Variants in FAM234B observed in about 807,000 individuals in gnomAD.
The protein encoded by FAM234B is family with sequence similarity 234 member B, also known as protein FAM234B.
A neutral mutation model predicts 69.3 loss-of-function variants in FAM234B; 33 were observed. The ratio of observed to expected loss-of-function variants is 0.48; its 90% CI spans 0.36 to 0.64. The LOEUF is 0.64. Ranked by LOEUF, FAM234B falls within the 30% of genes least tolerant of loss-of-function variation. The pLI, the probability that FAM234B is intolerant of heterozygous loss-of-function variation, is 0.00. For missense variants in FAM234B, 697 were observed against 769.7 expected (o/e 0.91, Z 1.12); for synonymous variants, 306 against 306.9 (o/e 1.00, Z 0.03).
chr12:13,055,538 T>C lies in FAM234B; in HGVS notation c.38-13T>C, dbSNP rs763480056. 6 of 1,571,842 alleles carry C rather than the reference T, an allele frequency of 3.8e-6. No homozygotes were observed. The highest frequency in any genetic ancestry group is 5.2e-6 in the Non-Finnish European group (6 of 1,152,448). On this transcript the variant is annotated splice_polypyrimidine_tract_variant and intron_variant, in intron 1 of 12. Transcript: ENST00000197268. ...CCAGTTCCCCTTGACTCTCTGTTTTTCTGTATTTTCAGGGAAGAAGAGCCC... is the reference window on the plus strand; with the variant it reads ...CCAGTTCCCCTTGACTCTCTGTTTTCCTGTATTTTCAGGGAAGAAGAGCCC...
Position 13,055,926 on chromosome 12 carries a change from G to T in FAM234B, c.413G>T (p.Arg138Leu). 6.4e-7 allele frequency: 1 copy of T among 1,568,652 alleles called. No individual in the cohort carries two copies. Among genetic ancestry groups the T allele is most frequent in the Non-Finnish European group, 8.6e-7 (1 of 1,156,124 alleles). ...AGAGATCTGCACAGCACCTGGAGCC[G>T]CCACTTGGGCTCCCAGGGAGGTGAG... ...PPRDLHSTWS[R>L]HLGSQGGGDL... Residue 138 changes from arginine (R) to leucine (L), a missense_variant, in exon 2 of 13, where the codon CGC (arginine) becomes CTC (leucine). Around this residue, in one of 3 missense-constraint regions of FAM234B, gnomAD observed 380 missense variants for 447.1 expected, o/e 0.85. Transcript: ENST00000197268.
At position 13,044,507 on chromosome 12, in the gene FAM234B, T is replaced by TG; in HGVS notation, c.37+72dup. 1.3e-6 allele frequency: 2 copies of TG among 1,520,896 alleles called. No homozygotes were observed. Among genetic ancestry groups the TG allele is most frequent in the Middle Eastern group, 1.7e-4 (1 of 5,862 alleles). 94.2% of individuals were successfully genotyped at this position (1,520,896 alleles called of 1,614,324 possible). On this transcript the variant is annotated intron_variant, in intron 1 of 12. Coordinates refer to ENST00000197268, the MANE Select transcript of FAM234B (RefSeq NM_020853.2). The surrounding 1 kb of genome is among the most constrained non-coding windows in gnomAD (Gnocchi z 5.6). ...GTTGGAATAAGGGGAGGCGAGGCTC[T>TG]GGGGGCGAGGCCGGTCGGGCCCTGG... is the stretch of plus-strand genomic sequence containing the variant.
intron 1 of FAM234B, among the ~76,000 whole-genome samples, chr12:13,047,826 C>CTTAAGGCAAGTTGGTGGACTTCTT (rs1392964400): frequency 3.9e-5 from 6 of 152,204 alleles, no homozygotes; most frequent in African/African-American, 7.2e-5. Context: ...CTGAGTAGGA[C>CTTAAGGCAAGTTGGTGGACTTCTT]TTAAGGCAAG....
At position 13,058,419 on chromosome 12, in the gene FAM234B, A is replaced by C; in HGVS notation, c.434-32A>C. On this transcript the variant is annotated intron_variant, in intron 2 of 12. Coordinates refer to ENST00000197268, the MANE Select transcript of FAM234B (RefSeq NM_020853.2). ...AGAACTGGTTTGTGGTAACTTGCTC[A>C]GGACCTTTTTGGTTTTTTATGTGTA... 2.5e-6 allele frequency: 4 copies of C among 1,581,968 alleles called. No homozygotes were observed. The South Asian group carries it at 4.4e-5, about 17-fold the overall frequency.
chr12:13,078,273 A>G (rs1565513115), intron 11 of FAM234B, among the ~76,000 whole-genome samples: 1 of 151,962 alleles, frequency 6.6e-6, no homozygotes, highest in Non-Finnish European at 1.5e-5. Flanking sequence ...CTTTAGTTTA[A>G]TTAGATCCCG....
chr12:13,060,198 G>A lies in FAM234B; in HGVS notation c.533-1377G>A, dbSNP rs558371567. 1.7e-3 allele frequency among the ~76,000 whole-genome samples: 254 copies of A among 152,324 alleles called. 1 individual carries two copies. The highest frequency in any genetic ancestry group is 6.0e-3 in the African/African-American group (251 of 41,576). On this transcript the variant is annotated intron_variant, in intron 3 of 12. Coordinates refer to ENST00000197268, the MANE Select transcript of FAM234B (RefSeq NM_020853.2). ...TGGGGATTCGGATCCAAGGAGTCTG[G>A]CTCTGGAGTTCATGTCCTTGACCCT...
In FAM234B at chr12:13,080,935, C is replaced by T. The variant is rs1265398450; in HGVS notation, c.*305C>T. 1.6e-5 allele frequency: 5 copies of T among 313,192 alleles called. No homozygotes were observed. Among genetic ancestry groups the T allele is most frequent in the Non-Finnish European group, 2.9e-5 (5 of 172,582 alleles). 19.4% of individuals were successfully genotyped at this position (313,192 alleles called of 1,614,324 possible). On this transcript the variant is annotated 3_prime_UTR_variant, in exon 13 of 13. Transcript: ENST00000197268. ...TTTTGGTATGTCTAATTTATGAAGTCTTGCTGGGAAAGCCAGTGAAGTCTA... is the reference window on the plus strand; with the variant it reads ...TTTTGGTATGTCTAATTTATGAAGTTTTGCTGGGAAAGCCAGTGAAGTCTA...
chr12:13,064,876 T>C (rs930850909), intron 5 of FAM234B, among the ~76,000 whole-genome samples: 1 of 152,206 alleles, frequency 6.6e-6, no homozygotes, highest in African/African-American at 2.4e-5. Flanking sequence ...TTCATTGATC[T>C]GGGTTTAGAG....
chr12:13,066,488 A>G (rs777193148), intron 5 of FAM234B, 152 bp from the exon 6 acceptor site: 68 of 764,934 alleles, frequency 8.9e-5, no homozygotes, highest in Non-Finnish European at 1.3e-4. Context: ...GCAGGGAAAT[A>G]AAGCGAAGCA....
rs1157478380 is a variant in FAM234B at position 13,080,774 on chromosome 12, G to C, written c.*144G>C. On this transcript the variant is annotated 3_prime_UTR_variant, in exon 13 of 13. Coordinates refer to ENST00000197268, the MANE Select transcript of FAM234B (RefSeq NM_020853.2). ...CTGATGGTTGCAAAGGCTTGGGAAG[G>C]CATGTTGGAGTCTTTGACGGCAGCA... The C allele has an allele frequency of 3.1e-6, 2 of 648,518 alleles. No individual in the cohort carries two copies. Among genetic ancestry groups the C allele is most frequent in the South Asian group, 2.2e-5 (1 of 45,514 alleles). The allele number at this position is 648,518 out of a possible 1,614,324, so 40.2% of individuals were successfully genotyped here.
rs939408459 is a variant in FAM234B, at chr12:13,082,213, C to T, written c.*1583C>T. ...CTCCTGACCTCAGATAATCCACCTGCTTCTGCCTCCCAAAGTGCTGGGATT... is the reference window on the plus strand; with the variant it reads ...CTCCTGACCTCAGATAATCCACCTGTTTCTGCCTCCCAAAGTGCTGGGATT... On this transcript the variant is annotated 3_prime_UTR_variant, in exon 13 of 13. Coordinates refer to ENST00000197268, the MANE Select transcript of FAM234B (RefSeq NM_020853.2). 1.3e-5 allele frequency: 2 copies of T among 152,166 alleles called. No homozygotes were observed. Among genetic ancestry groups the T allele is most frequent in the African/African-American group, 4.8e-5 (2 of 41,418 alleles). 9.4% of individuals were successfully genotyped at this position (152,166 alleles called of 1,614,324 possible). A position where few individuals can be genotyped will look rare whatever the true frequency, so the allele number is the denominator to read the frequency against.
At chr12:13,045,199 A>G (rs540319673) in intron 1 of FAM234B, among the ~76,000 whole-genome samples, 125 of 149,892 alleles carry the variant, frequency 8.3e-4, no homozygotes, top group African/African-American at 3.0e-3. Context: ...TACTTCGGGC[A>G]GCAGCTCCAA....
intron 1 of FAM234B, among the ~76,000 whole-genome samples, chr12:13,053,380 G>A (rs921748780): frequency 2.0e-5 from 3 of 152,190 alleles, no homozygotes; most frequent in Admixed American, 2.0e-4. Flanking sequence ...GGGGGAACCA[G>A]CCCCCAATAT....
At chr12:13,075,967 C>CTGTCACG in intron 10 of FAM234B, 59 bp from the exon 11 acceptor site, 2 of 1,201,326 alleles carry the variant, frequency 1.7e-6, no homozygotes. Flanking sequence ...CACCTGAGGA[C>CTGTCACG]TGTCACGTGT....
rs1288640573 is a variant in FAM234B at position 13,067,361 on chromosome 12, C to CA, written c.1142+65_1142+66insA. The stretch of plus-strand genomic sequence containing the variant: ...TGTGAACTCACATGCCTTTGAGTCT[C>CA]TAAGTTTGGTTGGGCTGGTGAATAT... On this transcript the variant is annotated intron_variant, in intron 7 of 12. Transcript: ENST00000197268. The surrounding 1 kb of genome is among the most constrained non-coding windows in gnomAD (Gnocchi z 4.7). 34 of 1,577,814 alleles carry CA rather than the reference C, an allele frequency of 2.2e-5. No individual in the cohort carries two copies. The highest frequency in any genetic ancestry group is 2.9e-5 in the Non-Finnish European group (33 of 1,150,430).
At chr12:13,068,471 GTTTGCTGT>G (rs1306996565) in intron 8 of FAM234B, 24 bp downstream of exon 8, 1 of 1,610,682 alleles carries the variant, frequency 6.2e-7, no homozygotes, top group African/African-American at 1.3e-5. Context: ...TCCTTCTTGT[GTTTGCTGT>G]TTTGATCCAC....
Position 13,055,829 on chromosome 12 carries a change from G to A in FAM234B, c.316G>A (p.Val106Ile). 2.5e-6 allele frequency: 4 copies of A among 1,614,146 alleles called. No individual in the cohort carries two copies. The South Asian group carries it at 4.4e-5, about 18-fold the overall frequency. ...CCTGGTGTCATATGTGCGCACGTCT[G>A]TCTTCCTGCTGACTTTGGGGATCTC... Reference protein sequence around the residue: ...SSLVSYVRTSVFLLTLGISMI... With the variant: ...SSLVSYVRTSIFLLTLGISMI... Residue 106 changes from valine to isoleucine, a missense_variant, in exon 2 of 13, where the codon GTC (valine) becomes ATC (isoleucine). Around this residue, in one of 3 missense-constraint regions of FAM234B, gnomAD observed 380 missense variants for 447.1 expected, o/e 0.85. Transcript: ENST00000197268.
Position 13,067,878 on chromosome 12 carries a change from A to G in FAM234B, c.1143-426A>G, listed in dbSNP as rs933236246. Among the ~76,000 whole-genome samples the G allele has an allele frequency of 1.3e-5, 2 of 152,182 alleles. No homozygotes were observed. Among genetic ancestry groups the G allele is most frequent in the Non-Finnish European group, 2.9e-5 (2 of 68,026 alleles). ...TGGTGTTTTGGTGACTTTGACAGGT[A>G]TGAAGTAGAATGGTCCCAGTGGCAC... On this transcript the variant is annotated intron_variant, in intron 7 of 12. Transcript: ENST00000197268. This position sits in a 1 kb window ranked among gnomAD's most constrained non-coding sequence, Gnocchi z 4.7.
chr12:13,048,580 T>C (rs78822188), intron 1 of FAM234B, among the ~76,000 whole-genome samples: 1,625 of 150,714 alleles, frequency 0.011, 32 homozygotes, highest in African/African-American at 0.038. Context: ...TTGGCTCACC[T>C]TTGTTGTCAG....
Sources: allele counts gnomAD v4.1 joint callset (sites outside exome capture counted in the v4.1 genomes callset), GRCh38; gene constraint gnomAD v4.1.1; regional missense constraint gnomAD v4.1.1; non-coding constraint Gnocchi (gnomAD v3.1); transcripts MANE v1.5; gene names NCBI Gene and HGNC (gene_info 2026-07-23, HGNC 2026-07-21).